Variants in CLASP2 observed in about 807,000 individuals in gnomAD.
The protein encoded by CLASP2 is CLIP-associating protein 2.
CLASP2 carries 47 observed loss-of-function variants against 194.4 expected under a neutral mutation model. That is an observed-to-expected ratio of 0.24 (90% CI 0.19 to 0.31). The LOEUF is 0.31. Ranked by LOEUF, CLASP2 falls within the 10% of genes least tolerant of loss-of-function variation. The pLI, the probability that CLASP2 is intolerant of heterozygous loss-of-function variation, is 1.00. For synonymous variants in CLASP2, 619 were observed against 633.5 expected (o/e 0.98, Z 0.34); for missense variants, 1,445 against 1,823.6 (o/e 0.79, Z 3.78).
Position 33,657,715 on chromosome 3 carries a change from T to C in CLASP2, c.715+5730A>G, listed in dbSNP as rs544693390. Among the ~76,000 whole-genome samples, 11 of 152,138 alleles carry C rather than the reference T, an allele frequency of 7.2e-5. No homozygotes were observed. The East Asian group carries it at 2.1e-3, about 29-fold the overall frequency. On this transcript the variant is annotated intron_variant, in intron 7 of 38. Transcript: ENST00000682230. ...TATTTTCTCATTTATTTCCATAAGA[T>C]CATATAAAATAGTTACATAAATTCT...
rs780182186 is a variant in CLASP2, at chr3:33,570,702, A to C, written c.2763+25T>G. On this transcript the variant is annotated intron_variant, in intron 26 of 38. Transcript: ENST00000682230. ...ATACAAATGATACCCTATAGAAATAAATAATCTTAAATACTAAAACATACC... is the reference window on the plus strand; with the variant it reads ...ATACAAATGATACCCTATAGAAATACATAATCTTAAATACTAAAACATACC... 8.2e-6 allele frequency: 13 copies of C among 1,582,662 alleles called. No homozygotes were observed. In the East Asian group the frequency reaches 2.8e-4, roughly 34 times the overall value.
chr3:33,612,318 C>G (rs1344938729), intron 12 of CLASP2, among the ~76,000 whole-genome samples: 1 of 152,138 alleles, frequency 6.6e-6, no homozygotes, highest in Non-Finnish European at 1.5e-5. Context: ...AACTGTTTAA[C>G]TGCAAAGAAC....
At chr3:33,711,549 C>A (rs1444839977) in intron 1 of CLASP2, among the ~76,000 whole-genome samples, 1 of 151,670 alleles carries the variant, frequency 6.6e-6, no homozygotes, top group Non-Finnish European at 1.5e-5. Context: ...TGTGAGCCAC[C>A]ATGCTCAGCG....
intron 20 of CLASP2, 86 bp from the exon 21 acceptor site, chr3:33,592,582 G>A: frequency 9.7e-7 from 1 of 1,033,282 alleles, no homozygotes; most frequent in Non-Finnish European, 1.5e-6. Flanking sequence ...CTATTTTTAG[G>A]TACTGCCAAA....
At chr3:33,576,116 CA>C (rs764487374) in intron 24 of CLASP2, 52 bp downstream of exon 24, 8 of 1,425,572 alleles carry the variant, frequency 5.6e-6, no homozygotes, top group Non-Finnish European at 7.9e-6. Context: ...CCTACTCATT[CA>C]ACAGTTTCGT....
intron 16 of CLASP2, among the ~76,000 whole-genome samples, chr3:33,606,147 C>T (rs1168396215): frequency 2.6e-5 from 4 of 151,898 alleles, no homozygotes; most frequent in African/African-American, 9.7e-5. Flanking sequence ...AAGTCAGATA[C>T]TAGATAATGT....
At chr3:33,595,213 T>C (rs954361403) in intron 19 of CLASP2, among the ~76,000 whole-genome samples, 17 of 152,106 alleles carry the variant, frequency 1.1e-4, no homozygotes, top group South Asian at 2.1e-4. Context: ...TAGGAAACAC[T>C]TTTTGTCTGC....
chr3:33,577,285 A>C, intron 23 of CLASP2: 1 of 1,590,226 alleles, frequency 6.3e-7, no homozygotes, highest in South Asian at 1.1e-5. Context: ...AGGACCATAC[A>C]AACCTCATCT....
At chr3:33,533,467 T>G (rs2056734240) in intron 34 of CLASP2, among the ~76,000 whole-genome samples, 1 of 152,208 alleles carries the variant, frequency 6.6e-6, no homozygotes, top group Admixed American at 6.5e-5. Context: ...TATTTCTTGT[T>G]AATAAAAATT....
intron 32 of CLASP2, among the ~76,000 whole-genome samples, chr3:33,542,897 T>C (rs2058598872): frequency 1.3e-5 from 2 of 152,140 alleles, no homozygotes; most frequent in Non-Finnish European, 1.5e-5. Flanking sequence ...AAGCAGTAAT[T>C]TATTTAAAAA....
At chr3:33,578,034 C>T (rs2065259816) in intron 23 of CLASP2, among the ~76,000 whole-genome samples, 1 of 152,096 alleles carries the variant, frequency 6.6e-6, no homozygotes, top group Admixed American at 6.5e-5. Context: ...GAAGCTAAAG[C>T]CTAGAGAGAG....
At chr3:33,530,188 A>C (rs2055918633) in intron 34 of CLASP2, among the ~76,000 whole-genome samples, 1 of 152,028 alleles carries the variant, frequency 6.6e-6, no homozygotes, top group African/African-American at 2.4e-5. Flanking sequence ...AAATACTAAA[A>C]CCAGGCTGTG....
At chr3:33,616,031 TAA>T (rs2076096937) in intron 12 of CLASP2, among the ~76,000 whole-genome samples, 1 of 150,084 alleles carries the variant, frequency 6.7e-6, no homozygotes, top group South Asian at 2.1e-4. Context: ...TAAAATGAGC[TAA>T]AAGTTGAAAA....
At chr3:33,574,079 G>A (rs1012345676) in intron 24 of CLASP2, among the ~76,000 whole-genome samples, 6 of 152,052 alleles carry the variant, frequency 3.9e-5, no homozygotes, top group African/African-American at 1.4e-4. Context: ...ATATGTAAAT[G>A]CCAGTTATAC....
chr3:33,691,540 A>G (rs937259913), intron 2 of CLASP2, among the ~76,000 whole-genome samples: 1 of 152,316 alleles, frequency 6.6e-6, no homozygotes, highest in African/African-American at 2.4e-5. Flanking sequence ...CAACATAAGA[A>G]TCATAAGTCT....
At chr3:33,528,442 A>G in intron 34 of CLASP2, among the ~76,000 whole-genome samples, 1 of 152,170 alleles carries the variant, frequency 6.6e-6, no homozygotes, top group East Asian at 1.9e-4. Flanking sequence ...AGTCCTAGCC[A>G]GAGCAATCAG....
intron 1 of CLASP2, among the ~76,000 whole-genome samples, chr3:33,705,069 A>T (rs946234245): frequency 1.3e-5 from 2 of 152,186 alleles, no homozygotes; most frequent in African/African-American, 4.8e-5. Flanking sequence ...AGTGACTCAA[A>T]CAGATACAGC....
At chr3:33,516,952 G>A (rs1281141512) in intron 35 of CLASP2, 29 bp downstream of exon 35, 15 of 1,568,554 alleles carry the variant, frequency 9.6e-6, no homozygotes, top group Non-Finnish European at 1.2e-5. Flanking sequence ...AGGAAGGAAA[G>A]GCTACTGTTT....
intron 7 of CLASP2, among the ~76,000 whole-genome samples, chr3:33,656,979 G>A (rs898307417): frequency 9.9e-5 from 15 of 152,230 alleles, no homozygotes; most frequent in African/African-American, 2.6e-4. Flanking sequence ...GACATGCTAC[G>A]TATTAATAAA....
Sources: allele counts gnomAD v4.1 joint callset (sites outside exome capture counted in the v4.1 genomes callset), GRCh38; gene constraint gnomAD v4.1.1; transcripts MANE v1.5; gene names NCBI Gene and HGNC (gene_info 2026-07-23, HGNC 2026-07-21).